The following ZNF577 variants were observed in gnomAD, a reference collection of about 807,000 sequenced individuals.
ZNF577 encodes the protein zinc finger protein 577.
A neutral mutation model predicts 13.9 loss-of-function variants in ZNF577; 14 were observed. The observed-to-expected ratio is 1.00, with a 90% CI of 0.66 to 1.57. The LOEUF is 1.57. ZNF577 is among the 40% of genes most tolerant of loss of function. The pLI is 0.00. For missense variants in ZNF577, 555 were observed against 579.2 expected (o/e 0.96, Z 0.43); for synonymous variants, 203 against 202.9 (o/e 1.00, Z 0.00).
intron 10 of ZNF577, among the ~76,000 whole-genome samples, chr19:51,811,014 T>C (rs1269809519): frequency 6.6e-6 from 1 of 152,170 alleles, no homozygotes; most frequent in Admixed American, 6.5e-5. Flanking sequence ...TATAGGCCAA[T>C]TTTTATCCTC....
At chr19:51,808,300 T>A (rs1484410598) in intron 10 of ZNF577, among the ~76,000 whole-genome samples, 1 of 152,244 alleles carries the variant, frequency 6.6e-6, no homozygotes, top group Admixed American at 6.5e-5. Flanking sequence ...CATACACTTC[T>A]CTCTGTAACA....
At chr19:51,818,952 C>T (rs972713346) in intron 9 of ZNF577, among the ~76,000 whole-genome samples, 1 of 152,184 alleles carries the variant, frequency 6.6e-6, no homozygotes, top group African/African-American at 2.4e-5. Flanking sequence ...CAGGAACAAA[C>T]TATCTGCAAA....
At position 51,824,880 on chromosome 19, in the gene ZNF577, G is replaced by A. The variant is rs7254019; in HGVS notation, c.*600-13206C>T. 129,634 of 1,235,980 alleles carry A rather than the reference G, an allele frequency of 0.1. 8,230 individuals carry two copies. The highest frequency in any genetic ancestry group is 0.26 in the South Asian group (17,132 of 65,424). 76.6% of individuals were successfully genotyped at this position (1,235,980 alleles called of 1,614,324 possible). The stretch of plus-strand genomic sequence containing the variant: ...AGCGGAAAAAAAAAATTCTGACAGT[G>A]TTTTTCTTCCTCTTTCATACCACCA... On this transcript the variant is annotated intron_variant and NMD_transcript_variant, in intron 9 of 10. Transcript: ENST00000638827. The surrounding 1 kb of genome is among the most constrained non-coding windows in gnomAD (Gnocchi z 4.7).
intron 9 of ZNF577, among the ~76,000 whole-genome samples, chr19:51,820,293 T>C (rs988105678): frequency 2.6e-5 from 4 of 152,238 alleles, no homozygotes; most frequent in African/African-American, 7.2e-5. Context: ...CTCTCAATAA[T>C]TGTGACATTG....
chr19:51,838,390 T>C (rs998916102), intron 9 of ZNF577, among the ~76,000 whole-genome samples: 10 of 151,738 alleles, frequency 6.6e-5, no homozygotes, highest in Non-Finnish European at 1.2e-4. Context: ...ACATTACCTT[T>C]ATTAAGCAAA....
At chr19:51,809,068 G>T (rs1248386759) in intron 10 of ZNF577, among the ~76,000 whole-genome samples, 1 of 152,180 alleles carries the variant, frequency 6.6e-6, no homozygotes, top group Non-Finnish European at 1.5e-5. Context: ...TTTCCTTGAA[G>T]AAATTTTCCT....
At chr19:51,807,051 G>A (rs1441002920) in intron 10 of ZNF577, among the ~76,000 whole-genome samples, 3 of 152,186 alleles carry the variant, frequency 2.0e-5, no homozygotes, top group African/African-American at 2.4e-5. Flanking sequence ...AGCCTGCCAC[G>A]ATCCCTGATG....
chr19:51,823,507 C>T (rs73061088), intron 9 of ZNF577, among the ~76,000 whole-genome samples: 250 of 152,176 alleles, frequency 1.6e-3, no homozygotes, highest in Non-Finnish European at 3.1e-3. Flanking sequence ...CCCTTTAATC[C>T]TCTTGGTAAT....
intron 9 of ZNF577, chr19:51,823,903 G>C (rs2084210057): frequency 6.2e-7 from 1 of 1,613,996 alleles, no homozygotes; most frequent in Non-Finnish European, 8.5e-7. Flanking sequence ...TGGGTGGCTG[G>C]ATTCCGGATG....
intron 9 of ZNF577, among the ~76,000 whole-genome samples, chr19:51,835,303 T>C (rs1055196273): frequency 2.2e-4 from 34 of 151,824 alleles, no homozygotes; most frequent in African/African-American, 8.2e-4. Context: ...TTAGATGAAA[T>C]GGACAAATTC....
intron 9 of ZNF577, among the ~76,000 whole-genome samples, chr19:51,831,126 T>G (rs1333382990): frequency 6.6e-6 from 1 of 152,180 alleles, no homozygotes; most frequent in Non-Finnish European, 1.5e-5. Context: ...TATTTATTTA[T>G]TTTTTATGAG....
At chr19:51,831,912 T>C (rs753161847) in intron 9 of ZNF577, among the ~76,000 whole-genome samples, 25 of 152,252 alleles carry the variant, frequency 1.6e-4, no homozygotes, top group African/African-American at 5.1e-4. Flanking sequence ...TGAACTTTCA[T>C]GTGACCAGTT....
downstream of ZNF577, among the ~76,000 whole-genome samples, chr19:51,865,093 C>G (rs58120918): frequency 6.6e-6 from 1 of 152,008 alleles, no homozygotes; most frequent in African/African-American, 2.4e-5. Context: ...AATGAACTTT[C>G]CCAAAGATTT....
intron 5 of ZNF577, 93 bp from the exon 6 acceptor site, chr19:51,873,799 C>G: frequency 1.0e-5 from 10 of 985,234 alleles, no homozygotes; most frequent in Non-Finnish European, 1.5e-5. Context: ...AAACTTATTT[C>G]CAAGGGCATA....
chr19:51,848,413 A>G (rs143840632), intron 5 of ZNF577, among the ~76,000 whole-genome samples: 2 of 152,316 alleles, frequency 1.3e-5, no homozygotes, highest in Non-Finnish European at 2.9e-5. Context: ...TGAAATCACT[A>G]TGTGGAAGAG....
chr19:51,816,730 C>T (rs1281322788), intron 9 of ZNF577, among the ~76,000 whole-genome samples: 1 of 152,144 alleles, frequency 6.6e-6, no homozygotes, highest in Non-Finnish European at 1.5e-5. Flanking sequence ...TGAAGACAGT[C>T]TTGTGGGAGT....
At chr19:51,823,158 C>T (rs1466038622) in intron 9 of ZNF577, among the ~76,000 whole-genome samples, 1 of 152,072 alleles carries the variant, frequency 6.6e-6, no homozygotes, top group Admixed American at 6.6e-5. Context: ...TCACCACGCC[C>T]GGCCTATAGC....
chr19:51,845,270 G>A (rs183205361), intron 5 of ZNF577, among the ~76,000 whole-genome samples: 1,644 of 152,168 alleles, frequency 0.011, 16 homozygotes, highest in Non-Finnish European at 0.019. Flanking sequence ...AGAGGCAGGC[G>A]GATCACCTGA....
chr19:51,815,145 G>A (rs907785882), intron 9 of ZNF577, among the ~76,000 whole-genome samples: 9 of 152,094 alleles, frequency 5.9e-5, no homozygotes, highest in Admixed American at 3.9e-4. Flanking sequence ...TTAGGGCGAG[G>A]TCCCTTGATA....
Sources: allele counts gnomAD v4.1 joint callset (sites outside exome capture counted in the v4.1 genomes callset), GRCh38; gene constraint gnomAD v4.1.1; non-coding constraint Gnocchi (gnomAD v3.1); transcripts MANE v1.5; gene names NCBI Gene and HGNC (gene_info 2026-07-23, HGNC 2026-07-21).